The following ANO4 variants were observed in gnomAD, a reference collection of about 807,000 sequenced individuals.
ANO4 encodes the protein anoctamin 4.
ANO4 carries 69 observed loss-of-function variants against 141.9 expected under a neutral mutation model. The ratio of observed to expected loss-of-function variants is 0.49; its 90% confidence interval spans 0.40 to 0.59. The LOEUF is 0.59. Among genes scored for constraint, ANO4 ranks in the 20% least tolerant of loss-of-function variants. The pLI, the probability that ANO4 is intolerant of heterozygous loss-of-function variation, is 0.00. For missense variants in ANO4, 894 were observed against 1,162.2 expected, an observed-to-expected ratio of 0.77 and a Z score of 3.36; for synonymous variants, 350 against 394.3, an observed-to-expected ratio of 0.89 and a Z score of 1.33.
At chr12:100,875,588 A>G (rs1808835415) in intron 1 of ANO4, among the ~76,000 whole-genome samples, 1 of 152,198 alleles carries the variant, frequency 6.6e-6, no homozygotes, top group Admixed American at 6.5e-5. Context: ...CATTCACCCA[A>G]TTTCCTATTG....
intron 1 of ANO4, among the ~76,000 whole-genome samples, chr12:100,865,003 T>A (rs1445982201): frequency 1.3e-5 from 2 of 152,190 alleles, no homozygotes; most frequent in African/African-American, 4.8e-5. Context: ...GGTGTATATG[T>A]GCCACATTTT....
chr12:100,882,174 C>A (rs2039602968), intron 1 of ANO4, among the ~76,000 whole-genome samples: 1 of 152,132 alleles, frequency 6.6e-6, no homozygotes, highest in African/African-American at 2.4e-5. Flanking sequence ...TTCAAACCAA[C>A]CCTGTGGGGT....
chr12:101,022,776 G>A (rs2046584831), intron 9 of ANO4, among the ~76,000 whole-genome samples: 1 of 152,124 alleles, frequency 6.6e-6, no homozygotes, highest in East Asian at 1.9e-4. Context: ...GTCTCGGACT[G>A]TCACCCAGGC....
Position 101,067,431 on chromosome 12 carries a change from C to G in ANO4, c.1313-11762C>G, listed in dbSNP as rs1205390981. The stretch of plus-strand genomic sequence containing the variant: ...GCTGAAGGAGGCCATGCCTGTAATC[C>G]TAACACTTTGGGAAGCTGAGGTGGA... On this transcript the variant is annotated intron_variant, in intron 14 of 27. Transcript: ENST00000392977. Among the ~76,000 whole-genome samples the G allele has an allele frequency of 3.9e-5, 6 of 152,168 alleles. No individual in the cohort carries two copies. In the South Asian group the frequency reaches 8.3e-4, roughly 21 times the overall value.
At chr12:100,773,713 A>C (rs2033385284) in intron 3 of ANO4, among the ~76,000 whole-genome samples, 2 of 152,316 alleles carry the variant, frequency 1.3e-5, no homozygotes, top group South Asian at 2.1e-4. Context: ...GCTTTAAAAA[A>C]CCCAACTTTA....
At position 100,918,281 on chromosome 12, in the gene ANO4, C is replaced by T. The variant is rs918666959; in HGVS notation, c.56-3945C>T. ...GGTTGAGGTTGCAGTAAGCTGTGTT[C>T]GCACCACTGCACTCCAGCCTAGGTG... On this transcript the variant is annotated intron_variant, in intron 2 of 27. Coordinates refer to ENST00000392977, the MANE Select transcript of ANO4 (RefSeq NM_001286615.2). Among the ~76,000 whole-genome samples, 6 of 152,230 alleles carry T rather than the reference C, an allele frequency of 3.9e-5. No homozygotes were observed. In the South Asian group the frequency reaches 8.3e-4, roughly 21 times the overall value.
chr12:101,117,433 C>T (rs1264956475), intron 25 of ANO4, among the ~76,000 whole-genome samples: 1 of 152,218 alleles, frequency 6.6e-6, no homozygotes, highest in Non-Finnish European at 1.5e-5. Context: ...TCACATCAGC[C>T]TTCTAAGTTA....
At chr12:101,000,211 T>C (rs989383765) in intron 8 of ANO4, among the ~76,000 whole-genome samples, 6 of 152,172 alleles carry the variant, frequency 3.9e-5, no homozygotes, top group African/African-American at 1.4e-4. Context: ...ATGGGAAAGT[T>C]TGAGGTGACA....
At chr12:100,992,212 A>T (rs2045157770) in intron 8 of ANO4, among the ~76,000 whole-genome samples, 1 of 152,196 alleles carries the variant, frequency 6.6e-6, no homozygotes, top group Non-Finnish European at 1.5e-5. Context: ...TGTGCATCTA[A>T]TCATGTCACT....
intron 1 of ANO4, among the ~76,000 whole-genome samples, chr12:100,870,854 G>C (rs1187642812): frequency 6.6e-6 from 1 of 152,082 alleles, no homozygotes; most frequent in African/African-American, 2.4e-5. Flanking sequence ...TAATAGTATA[G>C]GCTTATTGGT....
At chr12:100,753,261 C>T (rs965757817) in intron 3 of ANO4, among the ~76,000 whole-genome samples, 1 of 152,150 alleles carries the variant, frequency 6.6e-6, no homozygotes, top group African/African-American at 2.4e-5. Context: ...ACTGCTAAGC[C>T]ACATGATGAA....
At chr12:100,928,796 T>A (rs2136128316) in intron 3 of ANO4, among the ~76,000 whole-genome samples, 1 of 152,258 alleles carries the variant, frequency 6.6e-6, no homozygotes. Flanking sequence ...CACCTTTTTT[T>A]TACAATGAAG....
intron 8 of ANO4, among the ~76,000 whole-genome samples, chr12:101,007,541 T>C (rs1283512785): frequency 6.6e-6 from 1 of 152,216 alleles, no homozygotes; most frequent in Non-Finnish European, 1.5e-5. Context: ...GAGATGTTAC[T>C]TTTCTAAATT....
chr12:100,827,883 T>C (rs1320496542), intron 1 of ANO4, among the ~76,000 whole-genome samples: 3 of 151,936 alleles, frequency 2.0e-5, no homozygotes, highest in Admixed American at 2.0e-4. Flanking sequence ...CTTCTGGCCT[T>C]CATTATTCAC....
intron 1 of ANO4, chr12:100,842,208 A>G (rs998301367): frequency 6.6e-6 from 1 of 151,832 alleles, no homozygotes; most frequent in Non-Finnish European, 1.5e-5. Flanking sequence ...TCCTGGCTTT[A>G]GTTGAACTTT....
At chr12:100,961,974 C>T (rs899372698) in intron 5 of ANO4, among the ~76,000 whole-genome samples, 2 of 152,156 alleles carry the variant, frequency 1.3e-5, no homozygotes, top group Non-Finnish European at 2.9e-5. Flanking sequence ...TGGGGATCAC[C>T]AGGGTTGGTA....
Position 100,901,844 on chromosome 12 carries a change from A to T in ANO4, c.55+4A>T, listed in dbSNP as rs761488427. 3 of 1,597,206 alleles carry T rather than the reference A, an allele frequency of 1.9e-6. No individual in the cohort carries two copies. Among genetic ancestry groups the T allele is most frequent in the Admixed American group, 1.8e-5 (1 of 56,608 alleles). On this transcript the variant is annotated splice_donor_region_variant and intron_variant, in intron 2 of 27. Transcript: ENST00000392977. Reference sequence around the variant, plus strand: ...AAAACCAAAGTCTTCCACCCAGGTGATGCATGGGGAAGTTCAACGGGGACC... The same window carrying T: ...AAAACCAAAGTCTTCCACCCAGGTGTTGCATGGGGAAGTTCAACGGGGACC...
upstream of ANO4, among the ~76,000 whole-genome samples, chr12:100,792,668 G>A (rs2034086633): frequency 6.6e-6 from 1 of 152,112 alleles, no homozygotes. Context: ...TCATATAGAT[G>A]TGCAGTTACT....
At chr12:100,869,399 A>C (rs929655498) in intron 1 of ANO4, among the ~76,000 whole-genome samples, 3 of 148,708 alleles carry the variant, frequency 2.0e-5, no homozygotes, top group Non-Finnish European at 4.6e-5. Flanking sequence ...AATGACCAGC[A>C]GGTTATTATG....
Sources: allele counts gnomAD v4.1 joint callset (sites outside exome capture counted in the v4.1 genomes callset), GRCh38; gene constraint gnomAD v4.1.1; transcripts MANE v1.5; gene names NCBI Gene and HGNC (gene_info 2026-07-23, HGNC 2026-07-21).